The following TRPM3 variants were observed in gnomAD, a reference collection of about 807,000 sequenced individuals.
The protein encoded by TRPM3 is long transient receptor potential channel 3.
TRPM3 carries 77 observed loss-of-function variants against 181.2 expected under a neutral mutation model. The observed-to-expected ratio is 0.42, with a 90% CI of 0.35 to 0.51. The LOEUF (loss-of-function observed/expected upper bound fraction) is 0.51, where lower values mean the gene tolerates loss of function less well. Among genes scored for constraint, TRPM3 ranks in the 20% least tolerant of loss-of-function variants. The pLI, the probability that TRPM3 is intolerant of heterozygous loss-of-function variation, is 0.01. For missense variants in TRPM3, 1,759 were observed against 2,196.7 expected (o/e 0.80, Z 3.98); for synonymous variants, 745 against 796.4 (o/e 0.94, Z 1.09).
chr9:71,056,870 T>C (rs1018008847), intron 1 of TRPM3, among the ~76,000 whole-genome samples: 1 of 151,966 alleles, frequency 6.6e-6, no homozygotes, highest in Non-Finnish European at 1.5e-5. Context: ...TAGCAAAGCA[T>C]TGTAGCATGC....
intron 1 of TRPM3, among the ~76,000 whole-genome samples, chr9:71,376,868 G>C (rs2092679657): frequency 6.6e-6 from 1 of 152,026 alleles, no homozygotes. Context: ...GAATTTTTAA[G>C]TGTTCTCTAT....
chr9:70,601,267 C>T (rs1330953718), intron 20 of TRPM3, among the ~76,000 whole-genome samples: 1 of 152,178 alleles, frequency 6.6e-6, no homozygotes, highest in Non-Finnish European at 1.5e-5. Flanking sequence ...ATGCTGTAAA[C>T]AGTGCCATGC....
At chr9:70,761,471 A>G (rs767401362) in intron 8 of TRPM3, 130 bp downstream of exon 8, 3 of 1,295,758 alleles carry the variant, frequency 2.3e-6, no homozygotes, top group South Asian at 1.2e-5. Flanking sequence ...ACTGGAGCCA[A>G]TGGAGCCTGA....
intron 7 of TRPM3, chr9:70,783,802 GGGA>G: frequency 2.0e-6 from 2 of 988,814 alleles, no homozygotes; most frequent in Non-Finnish European, 1.2e-6. Flanking sequence ...TCTCCTTACT[GGGA>G]GGAGGAGAAG....
At chr9:71,054,059 C>G (rs1408364106) in intron 1 of TRPM3, among the ~76,000 whole-genome samples, 1 of 152,126 alleles carries the variant, frequency 6.6e-6, no homozygotes, top group Non-Finnish European at 1.5e-5. Context: ...ACTAACTGTG[C>G]TATCCACCAT....
intron 1 of TRPM3, among the ~76,000 whole-genome samples, chr9:71,229,174 G>A (rs1007062374): frequency 1.3e-5 from 2 of 152,096 alleles, no homozygotes; most frequent in African/African-American, 2.4e-5. Flanking sequence ...TATGTCAAGA[G>A]TGAACTCATT....
rs568184727 is a variant in TRPM3, at chr9:70,665,217, C to A, written c.1345+16289G>T. Among the ~76,000 whole-genome samples, 5 of 152,094 alleles carry A rather than the reference C, an allele frequency of 3.3e-5. No individual in the cohort carries two copies. In the East Asian group the frequency reaches 9.7e-4, roughly 29 times the overall value. On this transcript the variant is annotated intron_variant, in intron 9 of 25. Coordinates refer to ENST00000677713, the MANE Select transcript of TRPM3 (RefSeq NM_001366145.2). ...AGCATTGTTTGTTTTTTTCCTCTTA[C>A]CTATTGAGTGTGCATTTCCTGTGTA...
At chr9:70,647,762 C>T (rs2059088240) in intron 9 of TRPM3, among the ~76,000 whole-genome samples, 1 of 152,144 alleles carries the variant, frequency 6.6e-6, no homozygotes, top group Admixed American at 6.6e-5. Flanking sequence ...TATCTTTGTT[C>T]ACAGACAATA....
chr9:70,951,643 GA>G (rs2097001386), intron 1 of TRPM3, among the ~76,000 whole-genome samples: 2 of 152,062 alleles, frequency 1.3e-5, no homozygotes, highest in Admixed American at 1.3e-4. Flanking sequence ...TGCCTGGCCA[GA>G]ATTATGAATC....
At chr9:71,427,993 C>G (rs1042751004) in intron 1 of TRPM3, among the ~76,000 whole-genome samples, 1 of 152,156 alleles carries the variant, frequency 6.6e-6, no homozygotes. Context: ...ACCTGAGGAC[C>G]TTTTCAAGCT....
intron 1 of TRPM3, among the ~76,000 whole-genome samples, chr9:71,059,520 G>A (rs1294984571): frequency 6.6e-6 from 1 of 151,988 alleles, no homozygotes; most frequent in Non-Finnish European, 1.5e-5. Context: ...ACTTGGCTGG[G>A]CTATCGTACC....
rs575840484 is a variant in TRPM3, at chr9:70,627,008, TA to T, written c.1633-1492del. 1.5e-3 allele frequency among the ~76,000 whole-genome samples: 235 copies of T among 152,312 alleles called. 1 individual carries two copies. Among genetic ancestry groups the T allele is most frequent in the African/African-American group, 5.3e-3 (221 of 41,582 alleles). Reference sequence around the variant, plus strand: ...TGTTTTTGTTGAAAATGTAAACCAGTAAAACAGTGAAATTAATTGATGTTGT... The same window carrying T: ...TGTTTTTGTTGAAAATGTAAACCAGTAAACAGTGAAATTAATTGATGTTGT... On this transcript the variant is annotated intron_variant, in intron 12 of 25. Transcript: ENST00000677713.
chr9:70,576,100 T>A (rs1332072657), intron 22 of TRPM3, among the ~76,000 whole-genome samples: 1 of 152,204 alleles, frequency 6.6e-6, no homozygotes, highest in Non-Finnish European at 1.5e-5. Flanking sequence ...TTGACATACT[T>A]GTAGAGACAG....
intron 1 of TRPM3, among the ~76,000 whole-genome samples, chr9:71,095,456 A>ATTACCTCTTAAAGAAT (rs1440565992): frequency 7.9e-5 from 12 of 152,056 alleles, no homozygotes; most frequent in Admixed American, 7.9e-4. Flanking sequence ...AGAAGACTAA[A>ATTACCTCTTAAAGAAT]TTACCTCTTA....
chr9:71,166,705 G>A (rs1011771954), intron 1 of TRPM3, among the ~76,000 whole-genome samples: 8 of 152,132 alleles, frequency 5.3e-5, no homozygotes, highest in Non-Finnish European at 8.8e-5. Context: ...TTTAAACAAC[G>A]TTAGAAAGGA....
At chr9:70,983,258 T>A (rs979401981) in intron 1 of TRPM3, among the ~76,000 whole-genome samples, 7 of 152,174 alleles carry the variant, frequency 4.6e-5, no homozygotes, top group Non-Finnish European at 1.0e-4. Context: ...TGTAGGTTGA[T>A]GCTGCTCTTC....
chr9:71,217,045 G>A (rs894060077), intron 1 of TRPM3, among the ~76,000 whole-genome samples: 2 of 141,674 alleles, frequency 1.4e-5, no homozygotes, highest in African/African-American at 5.3e-5. Context: ...CCGCCTCCCG[G>A]GTTCACGCCA....
chr9:71,018,504 A>G (rs951557662), intron 1 of TRPM3, among the ~76,000 whole-genome samples: 3 of 151,828 alleles, frequency 2.0e-5, no homozygotes, highest in Non-Finnish European at 3.0e-5. Context: ...TATAGCCAGC[A>G]GACATTAAAA....
chr9:71,210,087 G>A (rs957513359), intron 1 of TRPM3, among the ~76,000 whole-genome samples: 1 of 152,170 alleles, frequency 6.6e-6, no homozygotes, highest in Non-Finnish European at 1.5e-5. Context: ...AGCTTCACCC[G>A]TATTTACAGC....
Sources: allele counts gnomAD v4.1 joint callset (sites outside exome capture counted in the v4.1 genomes callset), GRCh38; gene constraint gnomAD v4.1.1; transcripts MANE v1.5; gene names NCBI Gene and HGNC (gene_info 2026-07-23, HGNC 2026-07-21).